The following TANC2 variants were observed in gnomAD, a reference collection of about 807,000 sequenced individuals.
The protein encoded by TANC2 is protein TANC2.
A neutral mutation model predicts 210.5 loss-of-function variants in TANC2; 26 were observed. The ratio of observed to expected loss-of-function variants is 0.12; its 90% CI spans 0.09 to 0.17. The LOEUF (loss-of-function observed/expected upper bound fraction) is 0.17, where lower values mean the gene tolerates loss of function less well. Among genes scored for constraint, TANC2 ranks in the 10% least tolerant of loss-of-function variants. The pLI is 1.00. For missense variants in TANC2, 2,129 were observed against 2,608.9 expected (o/e 0.82, Z 4.01); for synonymous variants, 931 against 967.1 (o/e 0.96, Z 0.69).
intron 2 of TANC2, among the ~76,000 whole-genome samples, chr17:63,062,327 C>T (rs1035531572): frequency 6.6e-6 from 1 of 151,912 alleles, no homozygotes; most frequent in Non-Finnish European, 1.5e-5. Context: ...TAGCACTGTT[C>T]TCCTCTTGTA....
At chr17:63,025,342 T>C (rs1452457942) in intron 2 of TANC2, among the ~76,000 whole-genome samples, 10 of 152,214 alleles carry the variant, frequency 6.6e-5, no homozygotes, top group Admixed American at 4.6e-4. Context: ...AGTTTCATAA[T>C]GTCTTCCGGT....
In TANC2 at chr17:63,420,497, T is replaced by C; in HGVS notation, c.4767T>C (p.Thr1589=). 1 of 1,613,832 alleles carries C rather than the reference T, an allele frequency of 6.2e-7. No individual in the cohort carries two copies. The highest frequency in any genetic ancestry group is 8.5e-7 in the Non-Finnish European group (1 of 1,179,810). The change falls in exon 28 of 28, where the codon ACT becomes ACC. Residue 1589 remains threonine (T), a synonymous_variant. Coordinates refer to ENST00000689528, the Ensembl canonical transcript of TANC2. The surrounding 1 kb of genome is among the most constrained non-coding windows in gnomAD (Gnocchi z 4.2). The stretch of plus-strand genomic sequence containing the variant: ...ATTACAGGCCTAGCCCACCACACAC[T>C]TCCCCGGCTCATCAGGGAGGATCTT...
intron 3 of TANC2, among the ~76,000 whole-genome samples, chr17:63,098,772 G>A (rs928827522): frequency 1.3e-5 from 2 of 151,710 alleles, no homozygotes; most frequent in Admixed American, 6.6e-5. Context: ...TGGAGGAGGG[G>A]AGAAAGAAAT....
chr17:62,988,317 TAGTAGAGA>T (rs2032681456), intron 1 of TANC2, among the ~76,000 whole-genome samples: 1 of 149,944 alleles, frequency 6.7e-6, no homozygotes. Context: ...TTTTTTTTTT[TAGTAGAGA>T]TGGGGTTTCG....
chr17:63,403,838 C>G (rs1319499996), intron 19 of TANC2, among the ~76,000 whole-genome samples: 2 of 152,110 alleles, frequency 1.3e-5, no homozygotes, highest in African/African-American at 4.8e-5. Flanking sequence ...TTTATACTTG[C>G]GGAAATTACA....
intron 9 of TANC2, among the ~76,000 whole-genome samples, chr17:63,295,825 A>G (rs1379741186): frequency 6.6e-6 from 1 of 152,158 alleles, no homozygotes; most frequent in Non-Finnish European, 1.5e-5. Flanking sequence ...TATAAGACTA[A>G]TTAGACTTGT....
chr17:63,395,621 T>C, intron 17 of TANC2, 122 bp from the exon 18 acceptor site: 8 of 824,278 alleles, frequency 9.7e-6, no homozygotes, highest in Non-Finnish European at 1.5e-5. Context: ...GCTCAGAGAT[T>C]GGTTCCAGGA....
intron 1 of TANC2, among the ~76,000 whole-genome samples, chr17:62,987,214 G>C (rs2032613455): frequency 6.6e-6 from 1 of 152,152 alleles, no homozygotes; most frequent in Non-Finnish European, 1.5e-5. Flanking sequence ...CAGGACCAGA[G>C]TCACAGCTAT....
intron 12 of TANC2, among the ~76,000 whole-genome samples, chr17:63,342,916 C>G (rs1036553177): frequency 6.6e-6 from 1 of 150,690 alleles, no homozygotes; most frequent in African/African-American, 2.5e-5. Flanking sequence ...ATTATAAATA[C>G]TGTTCTAAGT....
intron 4 of TANC2, among the ~76,000 whole-genome samples, chr17:63,141,379 TAAAAAAAAAAAAAAAAAAAA>T (rs71155970): frequency 0.018 from 387 of 21,892 alleles, 10 homozygotes; most frequent in African/African-American, 0.052. Flanking sequence ...CCGTTTCTAC[TAAAAAAAAAAAAAAAAAAAA>T]AAAAAAAAAA....
chr17:63,210,955 C>T (rs1332612304), intron 7 of TANC2, among the ~76,000 whole-genome samples: 1 of 152,130 alleles, frequency 6.6e-6, no homozygotes, highest in Non-Finnish European at 1.5e-5. Context: ...TCCCTACCTA[C>T]CCAGGAACCT....
chr17:63,251,950 A>G (rs950010161), intron 8 of TANC2, among the ~76,000 whole-genome samples: 4 of 152,220 alleles, frequency 2.6e-5, no homozygotes, highest in African/African-American at 4.8e-5. Context: ...AGGTATTTCA[A>G]TAGTAAAGAT....
At chr17:62,971,606 A>G (rs560437952) in intron 1 of TANC2, among the ~76,000 whole-genome samples, 201 of 152,316 alleles carry the variant, frequency 1.3e-3, no homozygotes, top group Non-Finnish European at 2.3e-3. Flanking sequence ...CTGGGATTAC[A>G]GGTGTGAGCC....
intron 4 of TANC2, among the ~76,000 whole-genome samples, chr17:63,139,975 G>C (rs1465028353): frequency 1.3e-5 from 2 of 152,120 alleles, no homozygotes; most frequent in African/African-American, 4.8e-5. Context: ...GGATTTTCAT[G>C]ATTTTTGCCC....
intron 2 of TANC2, among the ~76,000 whole-genome samples, chr17:63,028,581 G>A (rs1370420967): frequency 2.0e-5 from 3 of 152,058 alleles, no homozygotes; most frequent in Non-Finnish European, 2.9e-5. Context: ...TCCCCATCTC[G>A]GGTGATAAGA....
At chr17:63,358,374 A>ATGTGTGTGTGTGTGTGTGT (rs1555641202) in intron 14 of TANC2, among the ~76,000 whole-genome samples, 3 of 94,694 alleles carry the variant, frequency 3.2e-5, no homozygotes, top group African/African-American at 1.2e-4. Flanking sequence ...AGAGAGAGAG[A>ATGTGTGTGTGTGTGTGTGT]GAGTATGTGT....
At chr17:63,197,277 A>T (rs1409124506) in intron 6 of TANC2, among the ~76,000 whole-genome samples, 2 of 152,168 alleles carry the variant, frequency 1.3e-5, no homozygotes, top group Non-Finnish European at 2.9e-5. Flanking sequence ...ATATAAAAAT[A>T]TTTTTAAATT....
chr17:63,186,972 C>A (rs1225512241), intron 5 of TANC2, among the ~76,000 whole-genome samples: 1 of 152,162 alleles, frequency 6.6e-6, no homozygotes, highest in Non-Finnish European at 1.5e-5. Context: ...GAATTCCATT[C>A]AAGGAAAGTA....
chr17:63,311,011 A>T (rs1232105478), intron 9 of TANC2, among the ~76,000 whole-genome samples: 1 of 152,214 alleles, frequency 6.6e-6, no homozygotes, highest in Non-Finnish European at 1.5e-5. Flanking sequence ...CGTGAGAGGA[A>T]CTAGAGCATA....
Sources: allele counts gnomAD v4.1 joint callset (sites outside exome capture counted in the v4.1 genomes callset), GRCh38; gene constraint gnomAD v4.1.1; non-coding constraint Gnocchi (gnomAD v3.1); transcripts MANE v1.5; gene names NCBI Gene and HGNC (gene_info 2026-07-23, HGNC 2026-07-21).